LUZP1: variants seen among roughly 807,000 people sequenced by gnomAD.
LUZP1 encodes leucine zipper protein 1.
Under a neutral mutation model 71.3 loss-of-function variants are expected in LUZP1, and 25 were observed. That is an observed-to-expected ratio of 0.35 (90% confidence interval 0.26 to 0.49). The LOEUF is 0.49. Among genes scored for constraint, LUZP1 ranks in the 20% least tolerant of loss-of-function variants. The pLI is 0.99. For missense variants in LUZP1, 1,142 were observed against 1,300.8 expected (o/e 0.88, Z 1.88); for synonymous variants, 481 against 506.4 (o/e 0.95, Z 0.67).
chr1:23,142,694 TATATATACACACACACAC>T (rs1459717709), intron 2 of LUZP1, among the ~76,000 whole-genome samples: 10 of 85,742 alleles, frequency 1.2e-4, no homozygotes, highest in African/African-American at 1.8e-4. Context: ...AAAATATATA[TATATATACACACACACAC>T]ACACACACAC....
At chr1:23,120,077 G>C (rs1644118480) in intron 2 of LUZP1, among the ~76,000 whole-genome samples, 1 of 151,820 alleles carries the variant, frequency 6.6e-6, no homozygotes, top group Non-Finnish European at 1.5e-5. Context: ...AGAGTAGCTG[G>C]GACTACAGGG....
intron 2 of LUZP1, among the ~76,000 whole-genome samples, chr1:23,119,042 A>T (rs72877238): frequency 0.013 from 1,946 of 152,284 alleles, 55 homozygotes; most frequent in African/African-American, 0.044. Context: ...AGGTTGTCCT[A>T]TGTTGTTTTA....
chr1:23,145,935 G>T (rs546829452), intron 2 of LUZP1, among the ~76,000 whole-genome samples: 2 of 152,122 alleles, frequency 1.3e-5, no homozygotes, highest in Non-Finnish European at 2.9e-5. Flanking sequence ...TGAAAATTAT[G>T]TTAGAATATT....
chr1:23,159,342 A>G (rs1201479684), intron 2 of LUZP1, among the ~76,000 whole-genome samples: 1 of 151,260 alleles, frequency 6.6e-6, no homozygotes, highest in Admixed American at 6.6e-5. Flanking sequence ...CTCTGTCTCA[A>G]AAAAAAAAAT....
chr1:23,116,584 T>TAAA (rs71848574), intron 2 of LUZP1, among the ~76,000 whole-genome samples: 1,997 of 132,846 alleles, frequency 0.015, 40 homozygotes, highest in African/African-American at 0.051. Context: ...ACTGGACTGT[T>TAAA]AAAAAAAAAA....
chr1:23,173,096 CA>C (rs921275328), intron 1 of LUZP1, among the ~76,000 whole-genome samples: 1 of 151,190 alleles, frequency 6.6e-6, no homozygotes, highest in Non-Finnish European at 1.5e-5. Context: ...GCTAGGATTA[CA>C]GGTGTGAGCC....
intron 1 of LUZP1, among the ~76,000 whole-genome samples, chr1:23,170,520 G>A (rs1226800301): frequency 1.4e-5 from 2 of 141,532 alleles, no homozygotes; most frequent in African/African-American, 2.7e-5. Flanking sequence ...AGGCTGGAGT[G>A]CAGTGGCACG....
At chr1:23,141,183 G>T in intron 2 of LUZP1, 1 of 152,432 alleles carries the variant, frequency 6.6e-6, no homozygotes. Context: ...AACGGGACAC[G>T]GCCTGGCCCC....
intron 1 of LUZP1, among the ~76,000 whole-genome samples, chr1:23,174,237 G>A (rs2148227013): frequency 6.6e-6 from 1 of 152,272 alleles, no homozygotes; most frequent in South Asian, 2.1e-4. Flanking sequence ...GAGCTCCAAT[G>A]TCCAAGGGCA....
Position 23,094,104 on chromosome 1 carries a change from T to G in LUZP1, c.158A>C (p.Gln53Pro), listed in dbSNP as rs1348361752. Residue 53 changes from glutamine to proline, a missense_variant, in exon 4 of 5, where the codon CAG becomes CCG. Transcript: ENST00000302291. The surrounding 1 kb of genome is among the most constrained non-coding windows in gnomAD (Gnocchi z 4.7). The stretch of plus-strand genomic sequence containing the variant: ...CATGCTGGAGTTGCTACCTTCTGCC[T>G]GAATCACCTTGTCCTGGAGATCCAG... 1 of 1,614,104 alleles carries G rather than the reference T, an allele frequency of 6.2e-7. No individual in the cohort carries two copies. Among genetic ancestry groups the G allele is most frequent in the Non-Finnish European group, 8.5e-7 (1 of 1,180,038 alleles).
intron 2 of LUZP1, among the ~76,000 whole-genome samples, chr1:23,135,591 A>T (rs1248102419): frequency 1.3e-5 from 2 of 152,238 alleles, no homozygotes; most frequent in Non-Finnish European, 2.9e-5. Flanking sequence ...CAGGATTCAA[A>T]GCAACCAGAG....
intron 2 of LUZP1, among the ~76,000 whole-genome samples, chr1:23,125,810 G>A (rs1028379408): frequency 4.6e-5 from 7 of 152,102 alleles, no homozygotes; most frequent in African/African-American, 1.2e-4. Flanking sequence ...GAAAAGTAAC[G>A]AATCTTAAAT....
intron 2 of LUZP1, among the ~76,000 whole-genome samples, chr1:23,119,076 G>A (rs970913844): frequency 7.9e-5 from 12 of 152,058 alleles, no homozygotes; most frequent in Non-Finnish European, 1.6e-4. Flanking sequence ...AATTAACGTG[G>A]AGCTTCACAA....
chr1:23,127,231 A>G (rs1455512669), intron 2 of LUZP1, among the ~76,000 whole-genome samples: 1 of 152,232 alleles, frequency 6.6e-6, no homozygotes, highest in East Asian at 1.9e-4. Context: ...CTCATTTTAG[A>G]GATTACAAAA....
In LUZP1 at chr1:23,093,458, C is replaced by T; in HGVS notation, c.804G>A (p.Glu268=). The change falls in exon 4 of 5, where the codon GAG becomes GAA. Residue 268 remains glutamate (E), a synonymous_variant. Transcript: ENST00000302291. The surrounding 1 kb of genome is among the most constrained non-coding windows in gnomAD (Gnocchi z 4.2). ...TTTCTGATTTGTTTCTTGTTTCATT[C>T]TCTACCTGCTTTAGGTAGTCCAGAC... is the stretch of plus-strand genomic sequence containing the variant. The T allele has an allele frequency of 1.9e-6, 3 of 1,613,262 alleles. No homozygotes were observed. The highest frequency in any genetic ancestry group is 2.5e-6 in the Non-Finnish European group (3 of 1,179,830).
rs1214044129 is a variant in LUZP1, at chr1:23,128,217, T to TA, written c.-225-19091dup. 5.8e-3 allele frequency among the ~76,000 whole-genome samples: 850 copies of TA among 147,582 alleles called. 3 individuals carry two copies. The highest frequency in any genetic ancestry group is 0.019 in the African/African-American group (768 of 40,324). On this transcript the variant is annotated intron_variant, in intron 2 of 4. Transcript: ENST00000302291. The stretch of plus-strand genomic sequence containing the variant: ...AAGTGGAAAATACAAGTTTCTCAGT[T>TA]AAAAAAAAAACAAACTGGGTTTATT...
exon 4 of LUZP1, chr1:23,092,697 T>A: frequency 6.2e-7 from 1 of 1,614,030 alleles, no homozygotes; most frequent in Non-Finnish European, 8.5e-7. Context: ...ACCCAATGGG[T>A]CACTGGGAAC....
At chr1:23,106,264 GAC>G (rs1465625421) in intron 3 of LUZP1, among the ~76,000 whole-genome samples, 1 of 152,100 alleles carries the variant, frequency 6.6e-6, no homozygotes, top group Non-Finnish European at 1.5e-5. Context: ...AGTTTCCAAT[GAC>G]ATCCTCAAAC....
intron 2 of LUZP1, among the ~76,000 whole-genome samples, chr1:23,161,408 G>A (rs1644463075): frequency 6.6e-6 from 1 of 152,172 alleles, no homozygotes; most frequent in Non-Finnish European, 1.5e-5. Flanking sequence ...GGGAAAAGAA[G>A]TGTTCGAGGA....
Sources: gnomAD v4.1 joint callset for allele counts (sites outside exome capture counted in the v4.1 genomes callset) on GRCh38, gnomAD v4.1.1 for gene constraint, Gnocchi (gnomAD v3.1) non-coding constraint, MANE v1.5 for transcripts, NCBI Gene and HGNC (gene_info 2026-07-23, HGNC 2026-07-21) for gene names.